CFAP44: variants seen among roughly 807,000 people sequenced by gnomAD.
CFAP44 encodes the protein cilia- and flagella-associated protein 44.
Under a neutral mutation model 216.2 loss-of-function variants are expected in CFAP44, and 134 were observed. The observed-to-expected ratio is 0.62, with a 90% CI of 0.54 to 0.72. The LOEUF (loss-of-function observed/expected upper bound fraction) is 0.72, where lower values mean the gene tolerates loss of function less well. CFAP44 is among the 30% of genes least tolerant of loss of function. The probability of loss-of-function intolerance (pLI) is 0.00; values close to 1 mark genes in which losing one functional copy is unlikely to be tolerated. For missense variants in CFAP44, 2,035 were observed against 2,182.1 expected (o/e 0.93, Z 1.34); for synonymous variants, 700 against 727.6 (o/e 0.96, Z 0.61).
chr3:113,357,380 A>C (rs1219281167), intron 22 of CFAP44, among the ~76,000 whole-genome samples: 2 of 152,220 alleles, frequency 1.3e-5, no homozygotes, highest in Non-Finnish European at 2.9e-5. Flanking sequence ...GTTCTTATAA[A>C]AAGGGAAAAT....
At chr3:113,304,477 T>C (rs974801813) in intron 31 of CFAP44, among the ~76,000 whole-genome samples, 2 of 152,254 alleles carry the variant, frequency 1.3e-5, no homozygotes, top group African/African-American at 2.4e-5. Context: ...CTTGTTGTTG[T>C]TGTTTTCCTA....
At chr3:113,317,768 G>A (rs899488608) in intron 28 of CFAP44, among the ~76,000 whole-genome samples, 1 of 152,202 alleles carries the variant, frequency 6.6e-6, no homozygotes, top group Non-Finnish European at 1.5e-5. Flanking sequence ...TGAGAATGGG[G>A]CTTTCTTCCT....
intron 32 of CFAP44, 83 bp from the exon 33 acceptor site, chr3:113,296,968 G>C: frequency 6.9e-7 from 1 of 1,450,266 alleles, no homozygotes; most frequent in Non-Finnish European, 9.4e-7. Flanking sequence ...ACATTCTAAG[G>C]AACTGCTTTT....
chr3:113,377,765 GC>G (rs2107332968), intron 17 of CFAP44, among the ~76,000 whole-genome samples: 1 of 152,168 alleles, frequency 6.6e-6, no homozygotes, highest in South Asian at 2.1e-4. Flanking sequence ...CAATTCCCCT[GC>G]CTTGGCCTCC....
chr3:113,326,371 T>C (rs1180857437), intron 28 of CFAP44, 74 bp downstream of exon 28: 6 of 1,321,156 alleles, frequency 4.5e-6, no homozygotes, highest in African/African-American at 3.0e-5. Flanking sequence ...AGGTATCTAA[T>C]AGGTCCCTTA....
Position 113,289,073 on chromosome 3 carries a change from C to T in CFAP44, c.*2484G>A, listed in dbSNP as rs972598886. ...CAGGAGCAGGATAGCTTCCCAGCCA[C>T]CCTGCCCATGCCACACCCTGCTGGT... is the stretch of plus-strand genomic sequence containing the variant. On this transcript the variant is annotated 3_prime_UTR_variant, in exon 35 of 35. Transcript: ENST00000393845. 1 of 152,136 alleles carries T rather than the reference C, an allele frequency of 6.6e-6. No individual in the cohort carries two copies. Among genetic ancestry groups the T allele is most frequent in the Non-Finnish European group, 1.5e-5 (1 of 67,996 alleles). The allele number at this position is 152,136 out of a possible 1,614,324, so 9.4% of individuals were successfully genotyped here.
intron 18 of CFAP44, 47 bp from the exon 19 acceptor site, chr3:113,366,356 A>C: frequency 6.4e-7 from 1 of 1,565,826 alleles, no homozygotes; most frequent in Non-Finnish European, 8.7e-7. Flanking sequence ...ATCTGAAAAT[A>C]ATGCTTAATT....
rs1301672784 is a variant in CFAP44 at position 113,344,564 on chromosome 3, T to C, written c.3214A>G (p.Arg1072Gly). The C allele has an allele frequency of 1.3e-6, 2 of 1,537,188 alleles. No homozygotes were observed. The highest frequency in any genetic ancestry group is 1.7e-6 in the Non-Finnish European group (2 of 1,146,856). ...QSERKPSKLD[R>G]FEKEGPGRKD... ...CTTCCAGGTCCCTCTTTTTCAAACCTGTCCAATTTGCTTGGTTTTCTCTCT... is the reference window on the plus strand; with the variant it reads ...CTTCCAGGTCCCTCTTTTTCAAACCCGTCCAATTTGCTTGGTTTTCTCTCT... Residue 1072 changes from arginine to glycine, a missense_variant, in exon 23 of 35, where the codon AGG becomes GGG. Transcript: ENST00000393845.
chr3:113,305,248 G>T, intron 30 of CFAP44, 96 bp from the exon 31 acceptor site: 1 of 1,033,062 alleles, frequency 9.7e-7, no homozygotes, highest in Non-Finnish European at 1.4e-6. Context: ...AGTAAAGCAT[G>T]AGCAGAATCT....
chr3:113,399,233 C>A (rs1167822631), intron 13 of CFAP44, among the ~76,000 whole-genome samples: 1 of 152,192 alleles, frequency 6.6e-6, no homozygotes, highest in African/African-American at 2.4e-5. Flanking sequence ...GTCTTCCCAG[C>A]TGAGTTCCCA....
rs535877175 is a variant in CFAP44, at chr3:113,289,969, G to C, written c.*1588C>G. On this transcript the variant is annotated 3_prime_UTR_variant, in exon 35 of 35. Transcript: ENST00000393845. ...GCTCCTAGTGTGACTGCAACTCCAC[G>C]AAAGACCCTGAGCCAGAACACCCGG... is the stretch of plus-strand genomic sequence containing the variant. 2.0e-5 allele frequency: 3 copies of C among 152,188 alleles called. No individual in the cohort carries two copies. The highest frequency in any genetic ancestry group is 2.0e-4 in the Admixed American group (3 of 15,272). The allele number at this position is 152,188 out of a possible 1,614,324, so 9.4% of individuals were successfully genotyped here.
At chr3:113,360,836 T>G (rs138758917) in intron 21 of CFAP44, 251 of 187,724 alleles carry the variant, frequency 1.3e-3, no homozygotes, top group African/African-American at 5.5e-3. Flanking sequence ...GGGAAAAATC[T>G]ACTTTTATAA....
At chr3:113,293,046 T>A (rs889308264) in intron 34 of CFAP44, among the ~76,000 whole-genome samples, 24 of 152,200 alleles carry the variant, frequency 1.6e-4, no homozygotes, top group African/African-American at 5.8e-4. Context: ...GTCATCTCCC[T>A]CTAGACTTCT....
intron 28 of CFAP44, among the ~76,000 whole-genome samples, chr3:113,322,872 T>C (rs1950157357): frequency 6.6e-6 from 1 of 152,218 alleles, no homozygotes; most frequent in Admixed American, 6.5e-5. Flanking sequence ...AGAGGTTTAA[T>C]TGACTCACAG....
intron 21 of CFAP44, 40 bp downstream of exon 21, chr3:113,363,105 G>A (rs1576571010): frequency 1.3e-6 from 2 of 1,512,516 alleles, no homozygotes; most frequent in Middle Eastern, 1.8e-4. Flanking sequence ...TCCAGAAATA[G>A]CATATGTTAA....
At chr3:113,424,763 C>T (rs948187871) in intron 4 of CFAP44, among the ~76,000 whole-genome samples, 1 of 152,150 alleles carries the variant, frequency 6.6e-6, no homozygotes, top group African/African-American at 2.4e-5. Context: ...TATACAGCCA[C>T]CCATCCAGCA....
At chr3:113,305,679 A>T (rs1439717713) in intron 30 of CFAP44, among the ~76,000 whole-genome samples, 2 of 152,210 alleles carry the variant, frequency 1.3e-5, no homozygotes, top group Non-Finnish European at 2.9e-5. Context: ...AAGTTAAGTG[A>T]TGTTGCTCTA....
At chr3:113,368,028 C>A (rs988021365) in intron 18 of CFAP44, among the ~76,000 whole-genome samples, 1 of 151,954 alleles carries the variant, frequency 6.6e-6, no homozygotes, top group Non-Finnish European at 1.5e-5. Flanking sequence ...AGCAAGAAGA[C>A]AAGATTAGAG....
intron 15 of CFAP44, among the ~76,000 whole-genome samples, chr3:113,384,162 C>A (rs1933586769): frequency 6.6e-6 from 1 of 151,852 alleles, no homozygotes; most frequent in Admixed American, 6.6e-5. Context: ...GGGTTTACAC[C>A]ATTCTCCTGC....
Sources: gnomAD v4.1 joint callset for allele counts (sites outside exome capture counted in the v4.1 genomes callset) on GRCh38, gnomAD v4.1.1 for gene constraint, MANE v1.5 for transcripts, NCBI Gene and HGNC (gene_info 2026-07-23, HGNC 2026-07-21) for gene names.